Variants in MAPKBP1 observed in about 807,000 individuals in gnomAD.
MAPKBP1 encodes the protein mitogen-activated protein kinase-binding protein 1.
A neutral mutation model predicts 170.5 loss-of-function variants in MAPKBP1; 71 were observed. That is an observed-to-expected ratio of 0.42 (90% CI 0.34 to 0.51). The LOEUF (loss-of-function observed/expected upper bound fraction) is 0.51. Ranked by LOEUF, MAPKBP1 falls within the 20% of genes least tolerant of loss-of-function variation. The probability of loss-of-function intolerance (pLI) is 0.06; values close to 1 mark genes in which losing one functional copy is unlikely to be tolerated. For synonymous variants in MAPKBP1, 719 were observed against 757.9 expected (o/e 0.95, Z 0.84); for missense variants, 1,598 against 1,933.0 (o/e 0.83, Z 3.25).
intron 20 of MAPKBP1, 66 bp downstream of exon 20, chr15:41,819,023 T>G (rs2064941036): frequency 6.3e-7 from 1 of 1,594,274 alleles, no homozygotes; most frequent in Admixed American, 1.7e-5. Flanking sequence ...CTCACTGCAC[T>G]TCCTCCATGC....
At chr15:41,794,730 G>A (rs935798490) in intron 2 of MAPKBP1, among the ~76,000 whole-genome samples, 7 of 152,126 alleles carry the variant, frequency 4.6e-5, no homozygotes, top group Non-Finnish European at 1.0e-4. Context: ...AAAGTGCTGG[G>A]AATACATCCA....
intron 2 of MAPKBP1, among the ~76,000 whole-genome samples, chr15:41,796,610 C>A (rs1034768367): frequency 3.3e-5 from 5 of 152,264 alleles, no homozygotes; most frequent in South Asian, 2.1e-4. Flanking sequence ...GCTTTTCCCC[C>A]CCCTTGGATA....
intron 2 of MAPKBP1, among the ~76,000 whole-genome samples, chr15:41,783,491 T>C (rs1020412682): frequency 6.6e-6 from 1 of 152,198 alleles, no homozygotes; most frequent in African/African-American, 2.4e-5. Context: ...GGTTGCAAAG[T>C]TCTTTGAGCA....
Position 41,817,996 on chromosome 15 carries a change from A to G in MAPKBP1, c.1905-13A>G, listed in dbSNP as rs368254621. 507 of 1,613,158 alleles carry G rather than the reference A, an allele frequency of 3.1e-4. 1 individual carries two copies. The highest frequency in any genetic ancestry group is 5.7e-4 in the African/African-American group (43 of 75,010). On this transcript the variant is annotated splice_polypyrimidine_tract_variant and intron_variant, in intron 16 of 30. Coordinates refer to ENST00000457542, the MANE Select transcript of MAPKBP1 (RefSeq NM_014994.3). The surrounding 1 kb of genome is among the most constrained non-coding windows in gnomAD (Gnocchi z 4.2). ...ACCGCCTCCTCATGAGAAAGAGACT[A>G]TGTTTCTTACAGGATATTTAACATC... is the stretch of plus-strand genomic sequence containing the variant.
At chr15:41,802,053 G>A (rs1243489226) in intron 3 of MAPKBP1, among the ~76,000 whole-genome samples, 1 of 152,066 alleles carries the variant, frequency 6.6e-6, no homozygotes, top group Non-Finnish European at 1.5e-5. Flanking sequence ...GGTTGCGCCT[G>A]GGCTACAAAC....
chr15:41,821,156 G>C (rs1053875242), intron 23 of MAPKBP1, 88 bp downstream of exon 23: 2 of 1,230,054 alleles, frequency 1.6e-6, no homozygotes, highest in South Asian at 1.3e-5. Flanking sequence ...CACTGGTCCA[G>C]CTATGCTTGC....
intron 2 of MAPKBP1, among the ~76,000 whole-genome samples, chr15:41,784,133 G>A (rs2064239453): frequency 6.6e-6 from 1 of 152,156 alleles, no homozygotes; most frequent in Non-Finnish European, 1.5e-5. Flanking sequence ...TTCATTGGTT[G>A]GCTTCTGTTT....
rs1377909493 is a variant in MAPKBP1 at position 41,818,161 on chromosome 15, T to C, written c.1981-33T>C. The stretch of plus-strand genomic sequence containing the variant: ...GGGTGGGAGGGACTGGTACTTCCCA[T>C]GTCCTCCAGCTGCACACCCTGCTAC... On this transcript the variant is annotated intron_variant, in intron 17 of 30. Coordinates refer to ENST00000457542, the MANE Select transcript of MAPKBP1 (RefSeq NM_014994.3). This position sits in a 1 kb window ranked among gnomAD's most constrained non-coding sequence, Gnocchi z 5.2. The C allele has an allele frequency of 1.9e-6, 3 of 1,602,100 alleles. No individual in the cohort carries two copies. The highest frequency in any genetic ancestry group is 2.2e-5 in the East Asian group (1 of 44,798).
chr15:41,783,525 G>T (rs1361145993), intron 2 of MAPKBP1, among the ~76,000 whole-genome samples: 3 of 152,120 alleles, frequency 2.0e-5, no homozygotes, highest in Admixed American at 2.0e-4. Context: ...GCCTAATCTC[G>T]AATGTCTGTT....
chr15:41,821,243 A>C, intron 23 of MAPKBP1, 175 bp downstream of exon 23: 1 of 674,650 alleles, frequency 1.5e-6, no homozygotes, highest in East Asian at 2.7e-5. Flanking sequence ...TTTGGTCATC[A>C]GGATAGGCAG....
chr15:41,822,571 A>T (rs2065017074), intron 26 of MAPKBP1, 22 bp from the exon 27 acceptor site: 1 of 1,613,248 alleles, frequency 6.2e-7, no homozygotes, highest in Admixed American at 1.7e-5. Flanking sequence ...GCCCCAATTC[A>T]TGATTTCTCT....
intron 2 of MAPKBP1, 52 bp downstream of exon 2, chr15:41,775,441 T>C (rs2064081655): frequency 1.1e-5 from 14 of 1,330,530 alleles, no homozygotes; most frequent in Non-Finnish European, 1.5e-5. Context: ...TCCTGCTCCA[T>C]GTTCCTCGTT....
At chr15:41,810,717 CAAA>C (rs58612719) in intron 3 of MAPKBP1, 163 bp from the exon 4 acceptor site, 59,455 of 421,580 alleles carry the variant, frequency 0.14, 9 homozygotes, top group South Asian at 0.17. Flanking sequence ...GATCCTGTCT[CAAA>C]AAAAAAAAAA....
rs201730244 is a variant in MAPKBP1 at position 41,822,021 on chromosome 15, G to A, written c.2942G>A (p.Ser981Asn). 947 of 1,610,132 alleles carry A rather than the reference G, an allele frequency of 5.9e-4. 6 individuals are homozygous for A. In the South Asian group the frequency reaches 8.7e-3, roughly 15 times the overall value. The stretch of plus-strand genomic sequence containing the variant: ...ACTCTGGGAAGAGTGTACCCAGGCA[G>A]CAGGAGCTCAGAAAAGCACAGCCCT... ...RGTLGRVYPG[S>N]RSSEKHSPDS... The change falls in exon 25 of 31, where the codon AGC becomes AAC. Residue 981 changes from serine to asparagine, a missense_variant. Around this residue, in one of 6 missense-constraint regions of MAPKBP1, gnomAD observed 942 missense variants for 953.2 expected, o/e 0.99. Coordinates refer to ENST00000457542, the MANE Select transcript of MAPKBP1 (RefSeq NM_014994.3).
chr15:41,803,553 A>C (rs893093727), intron 3 of MAPKBP1, among the ~76,000 whole-genome samples: 5 of 152,098 alleles, frequency 3.3e-5, no homozygotes, highest in Admixed American at 1.3e-4. Flanking sequence ...CCAAAAAGTA[A>C]AAATAAAAAA....
At chr15:41,794,547 G>A (rs1005700250) in intron 2 of MAPKBP1, among the ~76,000 whole-genome samples, 12 of 152,012 alleles carry the variant, frequency 7.9e-5, no homozygotes, top group South Asian at 2.1e-4. Flanking sequence ...GCTTGTCCTC[G>A]GTCGGTCATA....
At chr15:41,802,038 T>TAGCC (rs1187449788) in intron 3 of MAPKBP1, among the ~76,000 whole-genome samples, 1 of 152,162 alleles carries the variant, frequency 6.6e-6, no homozygotes, top group African/African-American at 2.4e-5. Flanking sequence ...CTACATGGTG[T>TAGCC]AGCCGGTTGC....
At chr15:41,786,327 T>A (rs561006294) in intron 2 of MAPKBP1, among the ~76,000 whole-genome samples, 24 of 152,274 alleles carry the variant, frequency 1.6e-4, no homozygotes, top group African/African-American at 5.5e-4. Flanking sequence ...GAGCCTGCAT[T>A]ATTTTTGTAA....
chr15:41,805,225 T>C (rs2064669989), intron 3 of MAPKBP1, among the ~76,000 whole-genome samples: 2 of 152,350 alleles, frequency 1.3e-5, no homozygotes, highest in African/African-American at 2.4e-5. Flanking sequence ...AGGCTGAGCA[T>C]GGAGCCTGTC....
Sources: gnomAD v4.1 joint callset for allele counts (sites outside exome capture counted in the v4.1 genomes callset) on GRCh38, gnomAD v4.1.1 for gene constraint, gnomAD v4.1.1 regional missense constraint, Gnocchi (gnomAD v3.1) non-coding constraint, MANE v1.5 for transcripts, NCBI Gene and HGNC (gene_info 2026-07-23, HGNC 2026-07-21) for gene names.